Variants in COP1 observed in about 807,000 individuals in gnomAD.
COP1 encodes COP1 E3 ubiquitin ligase, also known as E3 ubiquitin-protein ligase COP1.
A neutral mutation model predicts 101.3 loss-of-function variants in COP1; 24 were observed. The ratio of observed to expected loss-of-function variants is 0.24; its 90% CI spans 0.17 to 0.33. The LOEUF is 0.33. COP1 is among the 10% of genes least tolerant of loss of function. The probability of loss-of-function intolerance (pLI) is 1.00; values close to 1 mark genes in which losing one functional copy is unlikely to be tolerated. For missense variants in COP1, 663 were observed against 906.2 expected, an observed-to-expected ratio of 0.73 and a Z score of 3.45; for synonymous variants, 347 against 341.9, an observed-to-expected ratio of 1.01 and a Z score of -0.17.
chr1:176,201,567 T>C (rs561155457), intron 1 of COP1, among the ~76,000 whole-genome samples: 8 of 152,356 alleles, frequency 5.3e-5, no homozygotes, highest in African/African-American at 1.9e-4. Flanking sequence ...TAACTGCTTA[T>C]CAACACATTC....
Position 176,134,997 on chromosome 1 carries a change from G to A in COP1, c.968+13C>T. 1 of 1,591,610 alleles carries A rather than the reference G, an allele frequency of 6.3e-7. No individual in the cohort carries two copies. Among genetic ancestry groups the A allele is most frequent in the South Asian group, 1.1e-5 (1 of 90,402 alleles). On this transcript the variant is annotated intron_variant, in intron 8 of 19. Coordinates refer to ENST00000367669, the MANE Select transcript of COP1 (RefSeq NM_022457.7). ...ATATGAATTCTAATCAATTGCAAGT[G>A]TGAAGCTTGTACCTGTGTGATGGAG...
chr1:176,025,471 A>C (rs1001314807), intron 15 of COP1, among the ~76,000 whole-genome samples: 25 of 151,744 alleles, frequency 1.6e-4, no homozygotes, highest in Non-Finnish European at 2.9e-4. Flanking sequence ...AAAAAAAAAA[A>C]AACCTAAAAA....
At chr1:175,989,748 T>G (rs561131029) in intron 15 of COP1, among the ~76,000 whole-genome samples, 22 of 152,306 alleles carry the variant, frequency 1.4e-4, no homozygotes, top group African/African-American at 4.8e-4. Context: ...TTATGGGACA[T>G]CTGGATAAAC....
At chr1:176,176,110 A>C in intron 2 of COP1, 103 bp from the exon 3 acceptor site, 2 of 614,602 alleles carry the variant, frequency 3.3e-6, no homozygotes, top group South Asian at 4.1e-5. Context: ...CATTTTCAAC[A>C]TAACTAATCT....
At chr1:176,168,251 A>G (rs796934) in intron 3 of COP1, among the ~76,000 whole-genome samples, 130,766 of 151,498 alleles carry the variant, frequency 0.86, 58,535 homozygotes, top group Non-Finnish European at 0.98. Flanking sequence ...TAGTGACAGG[A>G]TTTCACCATG....
chr1:176,075,420 C>A (rs547178798), intron 11 of COP1, among the ~76,000 whole-genome samples: 2 of 152,272 alleles, frequency 1.3e-5, no homozygotes, highest in East Asian at 3.9e-4. Flanking sequence ...ATATTTGACA[C>A]GTTAAAACTT....
intron 18 of COP1, among the ~76,000 whole-genome samples, chr1:175,982,647 G>A (rs1337476727): frequency 2.0e-5 from 3 of 152,094 alleles, no homozygotes; most frequent in Admixed American, 6.6e-5. Context: ...AATTATACCC[G>A]AATTTTCAAC....
intron 5 of COP1, among the ~76,000 whole-genome samples, chr1:176,150,119 A>G (rs977158410): frequency 6.6e-6 from 1 of 152,212 alleles, no homozygotes; most frequent in East Asian, 1.9e-4. Flanking sequence ...GATAAGAATA[A>G]GCCAATTAAA....
intron 9 of COP1, among the ~76,000 whole-genome samples, chr1:176,096,337 T>TA (rs1682365324): frequency 6.6e-6 from 1 of 151,758 alleles, no homozygotes; most frequent in Admixed American, 6.6e-5. Flanking sequence ...CACACCCACT[T>TA]AAATGGCCAC....
chr1:176,188,394 T>G lies in COP1; in HGVS notation c.408-3702A>C, dbSNP rs549859175. On this transcript the variant is annotated intron_variant, in intron 1 of 19. Transcript: ENST00000367669. ...TGAAATACCATTAATTCTTTCCAAT[T>G]TTGAAGAACAAGAATATACCAACAG... Among the ~76,000 whole-genome samples the G allele has an allele frequency of 4.6e-5, 7 of 152,260 alleles. No homozygotes were observed. In the South Asian group the frequency reaches 1.5e-3, roughly 32 times the overall value.
chr1:175,954,392 G>A (rs970467682), intron 18 of COP1, among the ~76,000 whole-genome samples: 2 of 151,844 alleles, frequency 1.3e-5, no homozygotes, highest in Non-Finnish European at 2.9e-5. Flanking sequence ...TACACATGAC[G>A]TAAGTACAAG....
At chr1:176,154,279 G>T (rs1165217706) in intron 5 of COP1, among the ~76,000 whole-genome samples, 1 of 152,104 alleles carries the variant, frequency 6.6e-6, no homozygotes. Context: ...TTGAAAGGGT[G>T]TATGTGACCA....
At chr1:176,036,023 G>C (rs1669470917) in intron 14 of COP1, among the ~76,000 whole-genome samples, 1 of 151,846 alleles carries the variant, frequency 6.6e-6, no homozygotes, top group Non-Finnish European at 1.5e-5. Flanking sequence ...ATGAACAAGA[G>C]AATAACAAGA....
intron 15 of COP1, among the ~76,000 whole-genome samples, chr1:175,994,888 A>G (rs1222376428): frequency 2.0e-5 from 3 of 152,222 alleles, no homozygotes; most frequent in Admixed American, 1.3e-4. Flanking sequence ...CTCTGCACCA[A>G]GCAGACTTAA....
chr1:176,204,156 T>C, intron 1 of COP1, among the ~76,000 whole-genome samples: 1 of 152,218 alleles, frequency 6.6e-6, no homozygotes, highest in East Asian at 1.9e-4. Context: ...CTGGGAAATC[T>C]GAGTTCTCAT....
chr1:176,185,578 C>G (rs1698344669), intron 1 of COP1, among the ~76,000 whole-genome samples: 1 of 152,144 alleles, frequency 6.6e-6, no homozygotes, highest in Admixed American at 6.5e-5. Flanking sequence ...AACAAAAATG[C>G]AAAACCTTGT....
intron 15 of COP1, among the ~76,000 whole-genome samples, chr1:176,016,128 A>T (rs1479375579): frequency 6.6e-6 from 1 of 152,216 alleles, no homozygotes; most frequent in East Asian, 1.9e-4. Flanking sequence ...ATTTCCAGTA[A>T]GTAGAATAGA....
intron 11 of COP1, among the ~76,000 whole-genome samples, chr1:176,060,004 A>C (rs1674561668): frequency 6.6e-6 from 1 of 152,204 alleles, no homozygotes; most frequent in African/African-American, 2.4e-5. Context: ...GCAACCTGCT[A>C]GATAATTGCT....
chr1:176,139,811 G>A (rs1006004809), intron 6 of COP1, among the ~76,000 whole-genome samples: 3 of 152,132 alleles, frequency 2.0e-5, no homozygotes, highest in Admixed American at 6.5e-5. Context: ...TGGGGTGGGG[G>A]AAGGAAGAAA....
Sources: gnomAD v4.1 joint callset for allele counts (sites outside exome capture counted in the v4.1 genomes callset) on GRCh38, gnomAD v4.1.1 for gene constraint, MANE v1.5 for transcripts, NCBI Gene and HGNC (gene_info 2026-07-23, HGNC 2026-07-21) for gene names.